RNF213: variants seen among roughly 807,000 people sequenced by gnomAD.
RNF213 encodes the protein ring finger protein 213.
RNF213 carries 341 observed loss-of-function variants against 514.4 expected under a neutral mutation model. That is an observed-to-expected ratio of 0.66 (90% CI 0.61 to 0.73). RNF213 has a LOEUF of 0.73. Among genes scored for constraint, RNF213 ranks in the 30% least tolerant of loss-of-function variants. The probability of loss-of-function intolerance (pLI) is 0.00; values close to 1 mark genes in which losing one functional copy is unlikely to be tolerated. For missense variants in RNF213, 5,767 were observed against 6,615.6 expected, an observed-to-expected ratio of 0.87 and a Z score of 4.45; for synonymous variants, 2,655 against 2,658.2, an observed-to-expected ratio of 1.00 and a Z score of 0.04.
chr17:80,263,731 TCTG>T lies in RNF213; in HGVS notation c.52_54del (p.Cys18del), dbSNP rs2043506915. On this transcript the variant is annotated inframe_deletion, in exon 2 of 68. Transcript: ENST00000582970. This position sits in a 1 kb window ranked among gnomAD's most constrained non-coding sequence, Gnocchi z 4.9. ...GTCTCCAAGGAGGAAACCCCCAAGT[TCTG>T]CAGCCAGTGCGGAGAGAGGCTGCCT... 6.2e-7 allele frequency: 1 copy of T among 1,614,086 alleles called. No homozygotes were observed. The highest frequency in any genetic ancestry group is 8.5e-7 in the Non-Finnish European group (1 of 1,179,990).
rs1360195942 is a variant in RNF213 at position 80,353,904 on chromosome 17, G to A, written c.10579-115G>A. The A allele has an allele frequency of 7.1e-6, 10 of 1,411,340 alleles. No individual in the cohort carries two copies. In the Admixed American group the frequency reaches 1.9e-4, roughly 26 times the overall value. 87.4% of individuals were successfully genotyped at this position (1,411,340 alleles called of 1,614,324 possible). Reference sequence around the variant, plus strand: ...GTCGGCGTCTCTTCTTTGTCCGTGAGGACCGCCGCCCTGTGCTGTTTGCTG... The same window carrying A: ...GTCGGCGTCTCTTCTTTGTCCGTGAAGACCGCCGCCCTGTGCTGTTTGCTG... On this transcript the variant is annotated intron_variant, in intron 34 of 67. Transcript: ENST00000582970. This position sits in a 1 kb window ranked among gnomAD's most constrained non-coding sequence, Gnocchi z 5.0.
Position 80,363,631 on chromosome 17 carries a change from T to C in RNF213, c.11591T>C (p.Met3864Thr), listed in dbSNP as rs777828903. 40 of 1,613,814 alleles carry C rather than the reference T, an allele frequency of 2.5e-5. No individual in the cohort carries two copies. In the South Asian group the frequency reaches 2.7e-4, roughly 11 times the overall value. Residue 3864 changes from methionine (M) to threonine (T), a missense_variant, in exon 41 of 68, where the codon ATG (methionine) becomes ACG (threonine). By Grantham distance (81) the Met-to-Thr change is moderately conservative. Coordinates refer to ENST00000582970, the MANE Select transcript of RNF213 (RefSeq NM_001256071.3). Reference protein sequence around the residue: ...CEMTLDAFAAMACTEMLTRNT... With the variant: ...CEMTLDAFAATACTEMLTRNT... ...CAGACCCTGGACGCATTTGCCGCAA[T>C]GGCCTGCACGGAGATGCTGACAAGA...
In RNF213 at chr17:80,317,757, T is replaced by G. The variant is rs1390193546; in HGVS notation, c.2901+480T>G. ...AGTGCTCTCTTAGCTCCGCCGTCTA[T>G]GGACAGTAGTGTGTTATCAGCTCAG... is the stretch of plus-strand genomic sequence containing the variant. On this transcript the variant is annotated intron_variant, in intron 16 of 67. Transcript: ENST00000582970. This position sits in a 1 kb window ranked among gnomAD's most constrained non-coding sequence, Gnocchi z 4.1. Among the ~76,000 whole-genome samples, 3 of 152,166 alleles carry G rather than the reference T, an allele frequency of 2.0e-5. No individual in the cohort carries two copies. Among genetic ancestry groups the G allele is most frequent in the Non-Finnish European group, 4.4e-5 (3 of 68,010 alleles).
intron 3 of RNF213, among the ~76,000 whole-genome samples, chr17:80,277,543 A>G (rs2044109888): frequency 1.4e-5 from 2 of 144,594 alleles, no homozygotes; most frequent in Admixed American, 1.5e-4. Flanking sequence ...GGTTGCAGTG[A>G]GCCGAGATTG....
rs112602766 is a variant in RNF213 at position 80,290,573 on chromosome 17, G to T, written c.1116G>T (p.Thr372=). ...TTCTGTTTTGGTTTTCCACCAGCACGCTGAGCCCGGGTGGAGGAGTCACCG... is the reference window on the plus strand; with the variant it reads ...TTCTGTTTTGGTTTTCCACCAGCACTCTGAGCCCGGGTGGAGGAGTCACCG... ...EADVQEVKAS[T]LSPGGGVTVF... is the part of the protein sequence containing the mutation. Residue 372 remains threonine, a synonymous_variant, in exon 7 of 68, where the codon ACG becomes ACT. Transcript: ENST00000582970. The T allele has an allele frequency of 9.4e-4, 1,520 of 1,613,844 alleles. 3 individuals carry two copies. Among genetic ancestry groups the T allele is most frequent in the Non-Finnish European group, 1.2e-3 (1,416 of 1,180,020 alleles).
chr17:80,347,948 C>A lies in RNF213; in HGVS notation c.9613C>A (p.His3205Asn), dbSNP rs765811044. 3.7e-6 allele frequency: 6 copies of A among 1,613,960 alleles called. No homozygotes were observed. Among genetic ancestry groups the A allele is most frequent in the South Asian group, 1.1e-5 (1 of 91,080 alleles). Reference protein sequence around the residue: ...VEKFINVKAHHFQKRHKYSPS... With the variant: ...VEKFINVKAHNFQKRHKYSPS... ...GAAGTTCATCAATGTCAAAGCACAT[C>A]ATTTCCAGAAGAGGCACAAATACAG... The change falls in exon 29 of 68, where the codon CAT becomes AAT. Residue 3205 changes from histidine (H) to asparagine (N), a missense_variant. Coordinates refer to ENST00000582970, the MANE Select transcript of RNF213 (RefSeq NM_001256071.3). This position sits in a 1 kb window ranked among gnomAD's most constrained non-coding sequence, Gnocchi z 7.2.
In RNF213 at chr17:80,363,682, C is replaced by T. The variant is rs767851415; in HGVS notation, c.11642C>T (p.Ala3881Val). The change falls in exon 41 of 68, where the codon GCG becomes GTG. Residue 3881 changes from alanine to valine, a missense_variant. This residue lies in a region of RNF213 where 355 missense variants were observed against 358.0 expected (regional missense o/e 0.99). Transcript: ENST00000582970. ...TRNTLKPSPQ[A>V]WLQLVKNLSM... ...AACACCCTGAAGCCCAGTCCCCAGG[C>T]GTGGCTACAGTTGGTGAAGAATCTT... 8.1e-6 allele frequency: 13 copies of T among 1,613,946 alleles called. No homozygotes were observed. In the South Asian group the frequency reaches 1.1e-4, roughly 14 times the overall value.
intron 28 of RNF213, among the ~76,000 whole-genome samples, chr17:80,344,346 T>C (rs912071061): frequency 2.2e-4 from 33 of 152,180 alleles, no homozygotes; most frequent in African/African-American, 7.5e-4. Flanking sequence ...CCAGCTAAGA[T>C]GAGAAGGAGA....
Position 80,380,894 on chromosome 17 carries a change from G to A in RNF213, c.13704G>A (p.Val4568=), listed in dbSNP as rs569181011. The A allele has an allele frequency of 3.9e-5, 63 of 1,614,176 alleles. No homozygotes were observed. The highest frequency in any genetic ancestry group is 8.0e-5 in the African/African-American group (6 of 75,026). ...GCAACCCGCAGCGGAGAGACGTGGT[G>A]ACATGTGACCGAGGGCTGCCCCCAG... ...VLGNPQRRDV[V]TCDRGLPPVV... The change falls in exon 56 of 68, where the codon GTG becomes GTA. Residue 4568 remains valine (V), a synonymous_variant. Transcript: ENST00000582970.
chr17:80,372,844 C>T (rs915529904), intron 48 of RNF213, 110 bp downstream of exon 48: 2 of 1,363,940 alleles, frequency 1.5e-6, no homozygotes, highest in Admixed American at 1.9e-5. Context: ...GGCTTTTCTA[C>T]ATCCCCTCTC....
intron 37 of RNF213, 132 bp from the exon 38 acceptor site, chr17:80,359,929 C>A: frequency 1.2e-6 from 1 of 824,782 alleles, no homozygotes; most frequent in Non-Finnish European, 2.0e-6. Flanking sequence ...AACAGATCAG[C>A]GCCGTCTGCC....
Position 80,368,018 on chromosome 17 carries a change from G to GC in RNF213, c.12033dup (p.Cys4012LeufsTer45), listed in dbSNP as rs768321928. The GC allele has an allele frequency of 6.2e-7, 1 of 1,614,250 alleles. No homozygotes were observed. The highest frequency in any genetic ancestry group is 1.1e-5 in the South Asian group (1 of 91,086). On this transcript the variant is annotated frameshift_variant, in exon 44 of 68. Coordinates refer to ENST00000582970, the MANE Select transcript of RNF213 (RefSeq NM_001256071.3). LOFTEE classifies it high-confidence loss of function. ...GAGATGCAAAGGACCCCGTCTGTCT[G>GC]CCCTGCGACCACGTGCACTGCCTGC...
Position 80,332,056 on chromosome 17 carries a change from A to G in RNF213, c.3568A>G (p.Arg1190Gly). Residue 1190 changes from arginine (R) to glycine (G), a missense_variant, in exon 21 of 68, where the codon AGA becomes GGA. Around this residue, in one of 13 missense-constraint regions of RNF213, gnomAD observed 516 missense variants for 566.5 expected, o/e 0.91. Transcript: ENST00000582970. ...VRHSQDLSSK[R>G]LNDTVTVRLS... is the part of the protein sequence containing the mutation. The stretch of plus-strand genomic sequence containing the variant: ...ACACTCACAAGACCTCAGCAGTAAA[A>G]GATTAAATGACACCGTGACAGTGAG... The G allele has an allele frequency of 6.5e-7, 1 of 1,537,164 alleles. No individual in the cohort carries two copies. The highest frequency in any genetic ancestry group is 8.7e-7 in the Non-Finnish European group (1 of 1,146,906).
At chr17:80,272,305 T>TA (rs748241428) in intron 2 of RNF213, among the ~76,000 whole-genome samples, 148 of 151,818 alleles carry the variant, frequency 9.7e-4, no homozygotes, top group Admixed American at 1.4e-3. Flanking sequence ...TAAAATAAAA[T>TA]AAAAAAAGAA....
At chr17:80,360,325 C>A in intron 38 of RNF213, 119 bp downstream of exon 38, 1 of 1,210,312 alleles carries the variant, frequency 8.3e-7, no homozygotes, top group Non-Finnish European at 1.2e-6. Context: ...TTTTAGTTTT[C>A]ACACTTTGTT....
chr17:80,303,222 T>C (rs940318971), intron 11 of RNF213, among the ~76,000 whole-genome samples: 3 of 152,160 alleles, frequency 2.0e-5, no homozygotes, highest in Non-Finnish European at 4.4e-5. Flanking sequence ...TGGAAATTCC[T>C]CCTTCCCCTA....
rs1463059414 is a variant in RNF213, at chr17:80,340,172, G to A, written c.5805G>A (p.Glu1935=). Residue 1935 remains glutamate, a synonymous_variant, in exon 26 of 68, where the codon GAG becomes GAA. Coordinates refer to ENST00000582970, the MANE Select transcript of RNF213 (RefSeq NM_001256071.3). The stretch of plus-strand genomic sequence containing the variant: ...TCATGGTCTGTGATGGGGACTGGGA[G>A]CACTGCTACCTCCCCTCTGCCTTCA... ...QLVMVCDGDW[E]HCYLPSAFSQ... The A allele has an allele frequency of 6.2e-7, 1 of 1,614,042 alleles. No individual in the cohort carries two copies.
intron 60 of RNF213, 74 bp from the exon 61 acceptor site, chr17:80,385,463 GC>G: frequency 7.8e-7 from 1 of 1,276,238 alleles, no homozygotes; most frequent in Non-Finnish European, 1.1e-6. Flanking sequence ...TCTCGGCAGA[GC>G]ATGTAACTAG....
Position 80,288,082 on chromosome 17 carries a change from C to T in RNF213, c.529C>T (p.Gln177Ter). ...GGTTGGCGACAGCCCCCTGCAGGCC[C>T]AGGCTTTGGGAGAGGCAGGAGTGGC... Reference protein sequence around the residue: ...TEVGDSPLQAQALGEAGVATG... With the variant: ...TEVGDSPLQA Residue 177 changes from glutamine (Q) to a stop codon, truncating the protein, a stop_gained, in exon 4 of 68, where the codon CAG becomes TAG. Transcript: ENST00000582970. LOFTEE classifies it high-confidence loss of function. The surrounding 1 kb of genome is among the most constrained non-coding windows in gnomAD (Gnocchi z 4.9). The T allele has an allele frequency of 3.7e-6, 6 of 1,609,234 alleles. No individual in the cohort carries two copies. Among genetic ancestry groups the T allele is most frequent in the Non-Finnish European group, 4.2e-6 (5 of 1,177,074 alleles).
Sources: gnomAD v4.1 joint callset for allele counts (sites outside exome capture counted in the v4.1 genomes callset) on GRCh38, gnomAD v4.1.1 for gene constraint, gnomAD v4.1.1 regional missense constraint, Gnocchi (gnomAD v3.1) non-coding constraint, MANE v1.5 for transcripts, NCBI Gene and HGNC (gene_info 2026-07-23, HGNC 2026-07-21) for gene names.